TBPL1: variants seen among roughly 807,000 people sequenced by gnomAD.
TBPL1 encodes TATA-box binding protein like 1, also known as TATA box-binding protein-like 1.
Under a neutral mutation model 22.1 loss-of-function variants are expected in TBPL1, and 4 were observed. The observed-to-expected ratio is 0.18, with a 90% CI of 0.09 to 0.41. The LOEUF is 0.41. TBPL1 is among the 10% of genes least tolerant of loss of function. TBPL1 has a pLI of 1.00. For synonymous variants in TBPL1, 64 were observed against 71.0 expected (o/e 0.90, Z 0.50); for missense variants, 115 against 222.3 (o/e 0.52, Z 3.07).
chr6:133,963,934 G>C (rs1259949690), intron 1 of TBPL1, among the ~76,000 whole-genome samples: 4 of 151,872 alleles, frequency 2.6e-5, no homozygotes, highest in African/African-American at 9.7e-5. Context: ...GCAGCTACTC[G>C]GGAGGCTGAG....
intron 1 of TBPL1, among the ~76,000 whole-genome samples, chr6:133,975,318 TG>T (rs1265635561): frequency 1.3e-5 from 2 of 151,892 alleles, no homozygotes; most frequent in South Asian, 2.1e-4. Flanking sequence ...TTAGAAGAAA[TG>T]GAAAATTTAA....
At chr6:133,976,798 C>T (rs1250176838) in intron 1 of TBPL1, among the ~76,000 whole-genome samples, 2 of 151,802 alleles carry the variant, frequency 1.3e-5, no homozygotes, top group Non-Finnish European at 1.5e-5. Context: ...AGCAACCTGG[C>T]CAAGATGGTG....
rs978441716 is a variant in TBPL1, at chr6:133,989,937, C to T, written c.*2897C>T. The T allele has an allele frequency of 2.0e-5, 3 of 152,208 alleles. No individual in the cohort carries two copies. The highest frequency in any genetic ancestry group is 1.3e-4 in the Admixed American group (2 of 15,286). 9.4% of individuals were successfully genotyped at this position (152,208 alleles called of 1,614,324 possible). On this transcript the variant is annotated 3_prime_UTR_variant, in exon 7 of 7. Transcript: ENST00000237264. Reference sequence around the variant, plus strand: ...TAAGTTTTTTGTGTGTCTTCCATCACTTAAATATTAGTAATTTAATATGTT... The same window carrying T: ...TAAGTTTTTTGTGTGTCTTCCATCATTTAAATATTAGTAATTTAATATGTT...
intron 1 of TBPL1, among the ~76,000 whole-genome samples, chr6:133,977,103 C>T (rs1031045398): frequency 5.9e-5 from 9 of 152,026 alleles, no homozygotes; most frequent in African/African-American, 2.2e-4. Context: ...CAGTTCTGTG[C>T]TCTCGTTCTA....
At chr6:133,956,777 T>C (rs535035811) in intron 1 of TBPL1, among the ~76,000 whole-genome samples, 1 of 152,336 alleles carries the variant, frequency 6.6e-6, no homozygotes, top group Admixed American at 6.5e-5. Context: ...CAAGCATGAT[T>C]ACAGCTTCTA....
At chr6:133,955,400 A>G (rs1190894361) in intron 1 of TBPL1, among the ~76,000 whole-genome samples, 1 of 151,808 alleles carries the variant, frequency 6.6e-6, no homozygotes, top group African/African-American at 2.4e-5. Context: ...CCAATCAAAA[A>G]TGATTTTTTA....
chr6:133,982,664 G>C lies in TBPL1; in HGVS notation c.218+14G>C. Reference sequence around the variant, plus strand: ...TGGAGCAACAAGGTAAATGCTACTTGGGTTTTTTGTTTTTATTTTTTACTT... The same window carrying C: ...TGGAGCAACAAGGTAAATGCTACTTCGGTTTTTTGTTTTTATTTTTTACTT... On this transcript the variant is annotated intron_variant, in intron 3 of 6. Transcript: ENST00000237264. 2.5e-6 allele frequency: 4 copies of C among 1,604,290 alleles called. No homozygotes were observed. The highest frequency in any genetic ancestry group is 3.4e-6 in the Non-Finnish European group (4 of 1,176,530).
chr6:133,982,701 G>A, intron 3 of TBPL1, 51 bp downstream of exon 3: 1 of 1,596,416 alleles, frequency 6.3e-7, no homozygotes, highest in Non-Finnish European at 8.5e-7. Flanking sequence ...TTCCCTCATG[G>A]AAAGGACATT....
intron 1 of TBPL1, among the ~76,000 whole-genome samples, chr6:133,960,047 C>A (rs1775994349): frequency 6.6e-6 from 1 of 152,198 alleles, no homozygotes; most frequent in South Asian, 2.1e-4. Flanking sequence ...CTCTCACCTA[C>A]TTATGGCTGC....
chr6:133,985,858 C>T (rs747784320), intron 6 of TBPL1: 1 of 152,090 alleles, frequency 6.6e-6, no homozygotes, highest in South Asian at 2.1e-4. Flanking sequence ...TGATAGGAGA[C>T]GAGTCTGTTT....
At chr6:133,970,760 C>T (rs1367229709) in intron 1 of TBPL1, among the ~76,000 whole-genome samples, 1 of 152,036 alleles carries the variant, frequency 6.6e-6, no homozygotes, top group Non-Finnish European at 1.5e-5. Flanking sequence ...ACCACCATAC[C>T]TGGCTAATTT....
chr6:133,957,169 TAAA>T (rs932436931), intron 1 of TBPL1, among the ~76,000 whole-genome samples: 1 of 151,720 alleles, frequency 6.6e-6, no homozygotes, highest in Admixed American at 6.6e-5. Flanking sequence ...TAAATGTTTT[TAAA>T]AAAAAACTCA....
intron 1 of TBPL1, among the ~76,000 whole-genome samples, chr6:133,976,229 G>A (rs946831167): frequency 6.6e-6 from 1 of 151,984 alleles, no homozygotes; most frequent in African/African-American, 2.4e-5. Flanking sequence ...AGAATTAAAC[G>A]AAATAATTTG....
At chr6:133,967,480 G>A (rs982892101) in intron 1 of TBPL1, among the ~76,000 whole-genome samples, 1 of 152,208 alleles carries the variant, frequency 6.6e-6, no homozygotes, top group Admixed American at 6.5e-5. Context: ...ATCGCTTAAT[G>A]ACAAGGATGT....
At position 133,988,446 on chromosome 6, in the gene TBPL1, C is replaced by T. The variant is rs1182302927; in HGVS notation, c.*1406C>T. 6.6e-6 allele frequency: 1 copy of T among 152,150 alleles called. No individual in the cohort carries two copies. The highest frequency in any genetic ancestry group is 1.5e-5 in the Non-Finnish European group (1 of 68,010). The allele number at this position is 152,150 out of a possible 1,614,324, so 9.4% of individuals were successfully genotyped here. On this transcript the variant is annotated 3_prime_UTR_variant, in exon 7 of 7. Coordinates refer to ENST00000237264, the MANE Select transcript of TBPL1 (RefSeq NM_004865.4). ...ACTTAATGGGGACAATATTCCAACA[C>T]AATGTTCCACAAAAACTTGTATTTC...
At chr6:133,985,940 A>G (rs769433462) in intron 6 of TBPL1, 2 of 152,168 alleles carry the variant, frequency 1.3e-5, no homozygotes, top group Admixed American at 6.5e-5. Context: ...AGCCTATTGA[A>G]CAATCTCTAC....
At chr6:133,968,186 A>G (rs1483300123) in intron 1 of TBPL1, among the ~76,000 whole-genome samples, 1 of 151,970 alleles carries the variant, frequency 6.6e-6, no homozygotes, top group East Asian at 1.9e-4. Flanking sequence ...ACGGGGTTTC[A>G]CCATGTTAGC....
At chr6:133,971,519 A>T (rs1246905137) in intron 1 of TBPL1, among the ~76,000 whole-genome samples, 1 of 152,110 alleles carries the variant, frequency 6.6e-6, no homozygotes, top group Non-Finnish European at 1.5e-5. Context: ...ATGTGAGTTT[A>T]CTATCCTACC....
In TBPL1 at chr6:133,990,020, C is replaced by A. The variant is rs1383272681; in HGVS notation, c.*2980C>A. On this transcript the variant is annotated 3_prime_UTR_variant, in exon 7 of 7. Transcript: ENST00000237264. ...TCATACCCAAATTTTATTAGTAAGA[C>A]CTCTTAACAAGTCTTTAAAATCAAC... 3 of 152,400 alleles carry A rather than the reference C, an allele frequency of 2.0e-5. No homozygotes were observed. The highest frequency in any genetic ancestry group is 6.5e-5 in the Admixed American group (1 of 15,270). The allele number at this position is 152,400 out of a possible 1,614,324, so 9.4% of individuals were successfully genotyped here.
Sources: gnomAD v4.1 joint callset for allele counts (sites outside exome capture counted in the v4.1 genomes callset) on GRCh38, gnomAD v4.1.1 for gene constraint, MANE v1.5 for transcripts, NCBI Gene and HGNC (gene_info 2026-07-23, HGNC 2026-07-21) for gene names.